SV2B: variants seen among roughly 807,000 people sequenced by gnomAD.
SV2B encodes the protein solute carrier family 22 member B2.
In SV2B, 41 loss-of-function variants were observed where a neutral mutation model predicts 73.9. The observed-to-expected ratio is 0.56, with a 90% confidence interval of 0.43 to 0.72. SV2B has a LOEUF of 0.72. SV2B is among the 30% of genes least tolerant of loss of function. The pLI, the probability that SV2B is intolerant of heterozygous loss-of-function variation, is 0.00. For synonymous variants in SV2B, 314 were observed against 314.2 expected (o/e 1.00, Z 0.01); for missense variants, 764 against 857.8 (o/e 0.89, Z 1.37).
intron 1 of SV2B, among the ~76,000 whole-genome samples, chr15:91,113,032 A>C (rs955753710): frequency 6.6e-6 from 1 of 152,028 alleles, no homozygotes; most frequent in Non-Finnish European, 1.5e-5. Context: ...GGGTCTCCCT[A>C]TTTTGCCCAG....
rs1381667704 is a variant in SV2B, at chr15:91,294,950, G to GT, written c.*2399dup. The GT allele has an allele frequency of 1.3e-5, 2 of 152,616 alleles. No individual in the cohort carries two copies. Among genetic ancestry groups the GT allele is most frequent in the Non-Finnish European group, 2.9e-5 (2 of 68,058 alleles). The allele number at this position is 152,616 out of a possible 1,614,324, so 9.5% of individuals were successfully genotyped here. On this transcript the variant is annotated 3_prime_UTR_variant, in exon 13 of 13. Coordinates refer to ENST00000394232, the MANE Select transcript of SV2B (RefSeq NM_001323032.3). This position sits in a 1 kb window ranked among gnomAD's most constrained non-coding sequence, Gnocchi z 4.1. ...ACTTTTGCAGGATTGTCTAGCCTGA[G>GT]TACCGGGCTACTTCTTAAATGCCGT...
intron 1 of SV2B, among the ~76,000 whole-genome samples, chr15:91,142,623 G>GT (rs767247492): frequency 2.0e-5 from 3 of 152,166 alleles, no homozygotes; most frequent in Non-Finnish European, 4.4e-5. Flanking sequence ...TTGAATGCCT[G>GT]TATCATAACA....
Position 91,260,364 on chromosome 15 carries a change from T to G in SV2B, c.963T>G (p.His321Gln). The change falls in exon 6 of 13, where the codon CAT (histidine) becomes CAG (glutamine). Residue 321 changes from histidine (H) to glutamine (Q), a missense_variant. Physicochemically the swap from His to Gln is conservative, Grantham distance 24. Transcript: ENST00000394232. ...CCTGGATGATTCTCAAGCAAGTCCA[T>G]GACACCAACATGAGAGCTAAGGGGA... ...DEAWMILKQV[H>Q]DTNMRAKGTP... 1 of 1,613,664 alleles carries G rather than the reference T, an allele frequency of 6.2e-7. No homozygotes were observed. Among genetic ancestry groups the G allele is most frequent in the Non-Finnish European group, 8.5e-7 (1 of 1,179,834 alleles).
At chr15:91,217,696 A>G (rs2046081424) in intron 1 of SV2B, among the ~76,000 whole-genome samples, 1 of 152,272 alleles carries the variant, frequency 6.6e-6, no homozygotes, top group African/African-American at 2.4e-5. Context: ...GTTATTATAT[A>G]TTACTTAGAT....
At chr15:91,191,111 G>C (rs1338664306) in intron 1 of SV2B, among the ~76,000 whole-genome samples, 1 of 117,956 alleles carries the variant, frequency 8.5e-6, no homozygotes, top group Admixed American at 1.0e-4. Flanking sequence ...TGTTGCCCAG[G>C]CTGGAGTGCA....
At position 91,123,654 on chromosome 15, in the gene SV2B, G is replaced by C. The variant is rs2042399174; in HGVS notation, c.-392+23291G>C. Among the ~76,000 whole-genome samples, 1 of 152,160 alleles carries C rather than the reference G, an allele frequency of 6.6e-6. No homozygotes were observed. Among genetic ancestry groups the C allele is most frequent in the South Asian group, 2.1e-4 (1 of 4,826 alleles). Reference sequence around the variant, plus strand: ...TGCCTGAGGATTTGCATTTGCTGAAGGCCAGTTATTTGTCTAGCACTTTCT... The same window carrying C: ...TGCCTGAGGATTTGCATTTGCTGAACGCCAGTTATTTGTCTAGCACTTTCT... On this transcript the variant is annotated intron_variant, in intron 1 of 12. Coordinates refer to ENST00000394232, the MANE Select transcript of SV2B (RefSeq NM_001323032.3). This position sits in a 1 kb window ranked among gnomAD's most constrained non-coding sequence, Gnocchi z 4.7.
At position 91,284,903 on chromosome 15, in the gene SV2B, C is replaced by A. The variant is rs530052615; in HGVS notation, c.1708+682C>A. Among the ~76,000 whole-genome samples the A allele has an allele frequency of 6.6e-6, 1 of 152,232 alleles. No homozygotes were observed. Among genetic ancestry groups the A allele is most frequent in the African/African-American group, 2.4e-5 (1 of 41,530 alleles). On this transcript the variant is annotated intron_variant, in intron 11 of 12. Coordinates refer to ENST00000394232, the MANE Select transcript of SV2B (RefSeq NM_001323032.3). This position sits in a 1 kb window ranked among gnomAD's most constrained non-coding sequence, Gnocchi z 4.5. ...CAGCAATTTATTACAGAAACACATG[C>A]CATGAATGGTAAACAAGAAGCAAAA...
Position 91,252,143 on chromosome 15 carries a change from C to T in SV2B, c.632+144C>T, listed in dbSNP as rs537090850. 7 of 1,245,762 alleles carry T rather than the reference C, an allele frequency of 5.6e-6. No homozygotes were observed. Among genetic ancestry groups the T allele is most frequent in the African/African-American group, 1.5e-5 (1 of 65,870 alleles). 77.2% of individuals were successfully genotyped at this position (1,245,762 alleles called of 1,614,324 possible). On this transcript the variant is annotated intron_variant, in intron 3 of 12. Transcript: ENST00000394232. The surrounding 1 kb of genome is among the most constrained non-coding windows in gnomAD (Gnocchi z 4.6). ...TTCAGGATACTATATTAAAGTTGAACCTTAGAAAGAGTTAGGGTTAGGATT... is the reference window on the plus strand; with the variant it reads ...TTCAGGATACTATATTAAAGTTGAATCTTAGAAAGAGTTAGGGTTAGGATT...
intron 1 of SV2B, among the ~76,000 whole-genome samples, chr15:91,212,575 A>G (rs1167524427): frequency 1.3e-5 from 2 of 152,156 alleles, no homozygotes; most frequent in Non-Finnish European, 2.9e-5. Flanking sequence ...GGATATGTTC[A>G]GTTGTTGCTT....
rs1328482810 is a variant in SV2B, at chr15:91,295,341, A to T, written c.*2789A>T. ...TCATCCTGAGGTCATGTAACAAGTA[A>T]ACCCCAACCCAGCGTTCCCTCCTAC... is the stretch of plus-strand genomic sequence containing the variant. On this transcript the variant is annotated 3_prime_UTR_variant, in exon 13 of 13. Transcript: ENST00000394232. 1 of 152,162 alleles carries T rather than the reference A, an allele frequency of 6.6e-6. No homozygotes were observed. Among genetic ancestry groups the T allele is most frequent in the Non-Finnish European group, 1.5e-5 (1 of 68,042 alleles). 9.4% of individuals were successfully genotyped at this position (152,162 alleles called of 1,614,324 possible).
intron 2 of SV2B, among the ~76,000 whole-genome samples, chr15:91,230,787 G>C (rs2046545107): frequency 6.6e-6 from 1 of 152,208 alleles, no homozygotes; most frequent in Non-Finnish European, 1.5e-5. Flanking sequence ...CACTCAATGA[G>C]TTTTATTCTA....
intron 2 of SV2B, among the ~76,000 whole-genome samples, chr15:91,235,923 G>A (rs542503726): frequency 3.9e-5 from 6 of 152,222 alleles, no homozygotes; most frequent in Non-Finnish European, 8.8e-5. Flanking sequence ...AGAGAAGACC[G>A]GGCAGTAGAG....
chr15:91,252,573 C>T lies in SV2B; in HGVS notation c.784+53C>T. The T allele has an allele frequency of 1.3e-6, 2 of 1,518,674 alleles. No homozygotes were observed. The highest frequency in any genetic ancestry group is 1.8e-6 in the Non-Finnish European group (2 of 1,132,486). 94.1% of individuals were successfully genotyped at this position (1,518,674 alleles called of 1,614,324 possible). ...GGGCCCTGTTTCTATGGCTCCTGCA[C>T]CCAAACAATAGTTCCTGTCCTCAGC... On this transcript the variant is annotated intron_variant, in intron 4 of 12. Transcript: ENST00000394232. The surrounding 1 kb of genome is among the most constrained non-coding windows in gnomAD (Gnocchi z 4.6).
At chr15:91,266,542 G>A (rs1346049914) in intron 6 of SV2B, 40 bp from the exon 7 acceptor site, 3 of 1,485,300 alleles carry the variant, frequency 2.0e-6, no homozygotes, top group Admixed American at 3.4e-5. Flanking sequence ...CTGACACAAA[G>A]TGGGGTTCAA....
chr15:91,226,452 G>A lies in SV2B; in HGVS notation c.189G>A (p.Gln63=). Residue 63 remains glutamine (Q), a synonymous_variant, in exon 2 of 13, where the codon CAG becomes CAA. Coordinates refer to ENST00000394232, the MANE Select transcript of SV2B (RefSeq NM_001323032.3). ...ACCCAGATGATGTCAAGGCCAAGCAGGCCAAGATGGCGCCCTCCAGAATGG... is the reference window on the plus strand; with the variant it reads ...ACCCAGATGATGTCAAGGCCAAGCAAGCCAAGATGGCGCCCTCCAGAATGG... ...IPHPDDVKAK[Q]AKMAPSRMDS... is the part of the protein sequence containing the mutation. 6.2e-7 allele frequency: 1 copy of A among 1,614,216 alleles called. No individual in the cohort carries two copies. The highest frequency in any genetic ancestry group is 8.5e-7 in the Non-Finnish European group (1 of 1,180,030).
chr15:91,255,967 C>A (rs1033774466), intron 4 of SV2B, among the ~76,000 whole-genome samples: 3 of 152,196 alleles, frequency 2.0e-5, no homozygotes, highest in East Asian at 3.9e-4. Context: ...GCTTGTGTAA[C>A]CTGTTTAATT....
intron 1 of SV2B, among the ~76,000 whole-genome samples, chr15:91,215,063 A>G (rs879845666): frequency 1.3e-5 from 2 of 152,164 alleles, no homozygotes; most frequent in Non-Finnish European, 2.9e-5. Flanking sequence ...TGCAGGAGGG[A>G]CAGGTTCTGT....
In SV2B at chr15:91,223,484, C is replaced by T. The variant is rs1257032287; in HGVS notation, c.-391-2389C>T. On this transcript the variant is annotated intron_variant, in intron 1 of 12. Transcript: ENST00000394232. The surrounding 1 kb of genome is among the most constrained non-coding windows in gnomAD (Gnocchi z 4.6). ...CCTCTTCTTTCTGCAAAGCAGCTCC[C>T]AGAACCTTTGCCCTGGGTGGTGAGT... Among the ~76,000 whole-genome samples the T allele has an allele frequency of 6.6e-6, 1 of 152,196 alleles. No homozygotes were observed. Among genetic ancestry groups the T allele is most frequent in the Non-Finnish European group, 1.5e-5 (1 of 68,038 alleles).
chr15:91,287,908 G>C (rs1369463877), intron 11 of SV2B, among the ~76,000 whole-genome samples: 1 of 152,214 alleles, frequency 6.6e-6, no homozygotes, highest in Non-Finnish European at 1.5e-5. Context: ...AGCTCCATGG[G>C]GGCTGGAGCC....
Sources: gnomAD v4.1 joint callset for allele counts (sites outside exome capture counted in the v4.1 genomes callset) on GRCh38, gnomAD v4.1.1 for gene constraint, Gnocchi (gnomAD v3.1) non-coding constraint, MANE v1.5 for transcripts, NCBI Gene and HGNC (gene_info 2026-07-23, HGNC 2026-07-21) for gene names.